The following DTNA variants were observed in gnomAD, a reference collection of about 807,000 sequenced individuals.
DTNA encodes dystrophin-related protein 3.
A neutral mutation model predicts 100.7 loss-of-function variants in DTNA; 43 were observed. The ratio of observed to expected loss-of-function variants is 0.43; its 90% confidence interval spans 0.33 to 0.55. The LOEUF (loss-of-function observed/expected upper bound fraction) is 0.55. Ranked by LOEUF, DTNA falls within the 20% of genes least tolerant of loss-of-function variation. The probability of loss-of-function intolerance (pLI) is 0.04; values close to 1 mark genes in which losing one functional copy is unlikely to be tolerated. For synonymous variants in DTNA, 349 were observed against 347.9 expected, an observed-to-expected ratio of 1.00 and a Z score of -0.04; for missense variants, 798 against 953.9, an observed-to-expected ratio of 0.84 and a Z score of 2.15.
intron 1 of DTNA, among the ~76,000 whole-genome samples, chr18:34,586,762 A>G (rs2049178654): frequency 6.6e-6 from 1 of 152,308 alleles, no homozygotes; most frequent in African/African-American, 2.4e-5. Flanking sequence ...CTTCTTAAGC[A>G]GTATCACATA....
At chr18:34,804,476 A>G (rs1279465073) in intron 4 of DTNA, among the ~76,000 whole-genome samples, 4 of 152,198 alleles carry the variant, frequency 2.6e-5, no homozygotes, top group Non-Finnish European at 5.9e-5. Context: ...AATGAAAAGA[A>G]GGGAATGGAT....
At chr18:34,720,054 A>T (rs529246910) in intron 1 of DTNA, among the ~76,000 whole-genome samples, 5 of 152,196 alleles carry the variant, frequency 3.3e-5, no homozygotes, top group African/African-American at 1.2e-4. Flanking sequence ...TAATATTTTT[A>T]TAACCTAAGG....
intron 3 of DTNA, among the ~76,000 whole-genome samples, chr18:34,789,745 C>A (rs1313404343): frequency 6.6e-6 from 1 of 152,102 alleles, no homozygotes; most frequent in African/African-American, 2.4e-5. Context: ...AAATATTTTT[C>A]TTTTACGTTC....
chr18:34,656,737 A>G (rs12955208), intron 1 of DTNA, among the ~76,000 whole-genome samples: 15,487 of 152,288 alleles, frequency 0.1, 892 homozygotes, highest in Middle Eastern at 0.15. Context: ...TGAAACAAAG[A>G]GAAGAGAAAA....
chr18:34,723,913 A>G (rs544731165), intron 1 of DTNA, among the ~76,000 whole-genome samples: 1 of 150,336 alleles, frequency 6.7e-6, no homozygotes, highest in South Asian at 2.1e-4. Context: ...AAAAAAGAAA[A>G]GAAAGAAAGA....
chr18:34,613,396 A>T (rs1476347000), intron 1 of DTNA, among the ~76,000 whole-genome samples: 1 of 152,204 alleles, frequency 6.6e-6, no homozygotes, highest in Non-Finnish European at 1.5e-5. Flanking sequence ...CTCACTTTAA[A>T]TAATAATTAG....
rs892108278 is a variant in DTNA at position 34,837,559 on chromosome 18, G to T, written c.1176-535G>T. 5.9e-5 allele frequency among the ~76,000 whole-genome samples: 9 copies of T among 152,226 alleles called. 1 individual carries two copies. The highest frequency in any genetic ancestry group is 6.8e-3 in the Middle Eastern group (2 of 294). On this transcript the variant is annotated intron_variant, in intron 11 of 22. Transcript: ENST00000444659. ...CAATATATATGTATAAGACTCAAAG[G>T]TGTATTTCTCTGTTCCTCTGAAAAT... is the stretch of plus-strand genomic sequence containing the variant.
chr18:34,596,704 G>A (rs1007947261), intron 1 of DTNA, among the ~76,000 whole-genome samples: 1 of 152,062 alleles, frequency 6.6e-6, no homozygotes, highest in African/African-American at 2.4e-5. Context: ...AAAGTTTGCT[G>A]ATATCATTAA....
At chr18:34,870,043 A>G (rs973743706) in intron 17 of DTNA, among the ~76,000 whole-genome samples, 2 of 152,264 alleles carry the variant, frequency 1.3e-5, no homozygotes, top group Non-Finnish European at 2.9e-5. Context: ...AGGGGGTAAA[A>G]TTAAGCTTAT....
intron 1 of DTNA, among the ~76,000 whole-genome samples, chr18:34,549,788 C>A (rs770235980): frequency 1.3e-5 from 2 of 151,814 alleles, no homozygotes; most frequent in South Asian, 4.2e-4. Context: ...ACAACTATTG[C>A]CTTTTATTAC....
At chr18:34,727,987 C>G (rs1458593733) in intron 1 of DTNA, among the ~76,000 whole-genome samples, 1 of 152,120 alleles carries the variant, frequency 6.6e-6, no homozygotes, top group Non-Finnish European at 1.5e-5. Context: ...AGAAATAAAG[C>G]AAGGTATCCT....
intron 1 of DTNA, among the ~76,000 whole-genome samples, chr18:34,654,611 G>A (rs182691722): frequency 6.6e-6 from 1 of 152,182 alleles, no homozygotes; most frequent in East Asian, 1.9e-4. Context: ...TACCTCATAT[G>A]GGTACATTCT....
chr18:34,554,063 G>GT (rs1294321214), intron 1 of DTNA, among the ~76,000 whole-genome samples: 1 of 138,500 alleles, frequency 7.2e-6, no homozygotes, highest in African/African-American at 2.8e-5. Flanking sequence ...TTGAGCAGTG[G>GT]TTTGTAGTTC....
chr18:34,655,158 T>A (rs2074190714), intron 1 of DTNA, among the ~76,000 whole-genome samples: 1 of 152,200 alleles, frequency 6.6e-6, no homozygotes, highest in Non-Finnish European at 1.5e-5. Context: ...AACCCCCGTT[T>A]AAGTAGACAG....
At position 34,710,376 on chromosome 18, in the gene DTNA, G is replaced by C. The variant is rs1334340647; in HGVS notation, c.-71G>C. On this transcript the variant is annotated 5_prime_UTR_variant, in exon 1 of 23. Coordinates refer to ENST00000444659, the MANE Select transcript of DTNA (RefSeq NM_001386795.1). ...GAAATGTGTAAGGTCAAATACTATA[G>C]TTTTCAGCATATGTAGTACTTCAGA... 6.6e-6 allele frequency: 1 copy of C among 152,162 alleles called. No homozygotes were observed. Among genetic ancestry groups the C allele is most frequent in the African/African-American group, 2.4e-5 (1 of 41,432 alleles). 9.4% of individuals were successfully genotyped at this position (152,162 alleles called of 1,614,324 possible).
intron 1 of DTNA, among the ~76,000 whole-genome samples, chr18:34,513,264 A>T (rs184327714): frequency 3.3e-5 from 5 of 152,254 alleles, no homozygotes. Flanking sequence ...CACAAGCAGA[A>T]AGCTTAATTA....
intron 1 of DTNA, among the ~76,000 whole-genome samples, chr18:34,558,867 A>G (rs1034884180): frequency 6.6e-6 from 1 of 152,196 alleles, no homozygotes; most frequent in African/African-American, 2.4e-5. Context: ...GGAAGGAGGA[A>G]GCAATGCTAA....
chr18:34,639,082 C>T (rs1207549808), intron 1 of DTNA, among the ~76,000 whole-genome samples: 4 of 152,210 alleles, frequency 2.6e-5, no homozygotes, highest in African/African-American at 9.6e-5. Context: ...CTCAGGTGAT[C>T]CACCTGCCTC....
At chr18:34,885,572 G>A (rs1419873814) in intron 22 of DTNA, among the ~76,000 whole-genome samples, 3 of 152,092 alleles carry the variant, frequency 2.0e-5, no homozygotes, top group South Asian at 2.1e-4. Context: ...TATTAAACCC[G>A]TATTACCTCA....
Sources: allele counts gnomAD v4.1 joint callset (sites outside exome capture counted in the v4.1 genomes callset), GRCh38; gene constraint gnomAD v4.1.1; transcripts MANE v1.5; gene names NCBI Gene and HGNC (gene_info 2026-07-23, HGNC 2026-07-21).